Variants in SGCZ observed in about 807,000 individuals in gnomAD.
The protein encoded by SGCZ is sarcoglycan zeta.
In SGCZ, 40 loss-of-function variants were observed where a neutral mutation model predicts 41.3. That is an observed-to-expected ratio of 0.97 (90% CI 0.75 to 1.26). The LOEUF is 1.26. SGCZ is among the 50% of genes most tolerant of loss of function. The pLI, the probability that SGCZ is intolerant of heterozygous loss-of-function variation, is 0.00. For synonymous variants in SGCZ, 206 were observed against 137.5 expected (o/e 1.50, Z -3.49); for missense variants, 552 against 369.8 (o/e 1.49, Z -4.04).
chr8:14,700,967 A>G (rs767801043), intron 1 of SGCZ, among the ~76,000 whole-genome samples: 54 of 152,012 alleles, frequency 3.6e-4, no homozygotes, highest in Non-Finnish European at 6.0e-4. Context: ...AGAGGCTCAC[A>G]TAATTATGAA....
intron 1 of SGCZ, among the ~76,000 whole-genome samples, chr8:15,098,257 C>G (rs1318228590): frequency 6.6e-6 from 1 of 152,058 alleles, no homozygotes; most frequent in Non-Finnish European, 1.5e-5. Flanking sequence ...AAAAGGAAAA[C>G]TGAAACAAGT....
In SGCZ at chr8:14,123,901, C is replaced by A. The variant is rs59905285; in HGVS notation, c.548-15666G>T. Among the ~76,000 whole-genome samples the A allele has an allele frequency of 1.1e-3, 164 of 152,046 alleles. 1 individual carries two copies. The highest frequency in any genetic ancestry group is 3.9e-3 in the African/African-American group (160 of 41,468). ...TATCTAGGAGGAGCCAAAATAATCACCAGGACTATTAAAAATGGAAGAGAG... is the reference window on the plus strand; with the variant it reads ...TATCTAGGAGGAGCCAAAATAATCAACAGGACTATTAAAAATGGAAGAGAG... On this transcript the variant is annotated intron_variant, in intron 5 of 7. Coordinates refer to ENST00000382080, the MANE Select transcript of SGCZ (RefSeq NM_139167.4).
intron 2 of SGCZ, among the ~76,000 whole-genome samples, chr8:14,405,049 C>T (rs1301580119): frequency 6.6e-6 from 1 of 152,180 alleles, no homozygotes; most frequent in Non-Finnish European, 1.5e-5. Context: ...TCGTCTTCCT[C>T]CATGTGGCCC....
At chr8:14,979,024 C>T (rs533656866) in intron 1 of SGCZ, among the ~76,000 whole-genome samples, 83 of 152,276 alleles carry the variant, frequency 5.5e-4, no homozygotes, top group Middle Eastern at 3.4e-3. Context: ...TTCTCAAACT[C>T]CTGAGCTCAA....
At chr8:14,833,324 G>GA (rs1187955798) in intron 1 of SGCZ, among the ~76,000 whole-genome samples, 4 of 151,738 alleles carry the variant, frequency 2.6e-5, no homozygotes, top group Admixed American at 6.6e-5. Context: ...CAACTGGAAA[G>GA]AAAAAAAACC....
At chr8:14,120,546 C>T (rs1802666616) in intron 5 of SGCZ, among the ~76,000 whole-genome samples, 1 of 151,952 alleles carries the variant, frequency 6.6e-6, no homozygotes, top group South Asian at 2.1e-4. Flanking sequence ...ATATATAGTT[C>T]TTGTCTTACT....
intron 6 of SGCZ, among the ~76,000 whole-genome samples, chr8:14,106,269 A>G (rs1362727369): frequency 1.3e-5 from 2 of 152,228 alleles, no homozygotes; most frequent in African/African-American, 4.8e-5. Flanking sequence ...AGAAAGATAC[A>G]ATAAATATTT....
intron 1 of SGCZ, among the ~76,000 whole-genome samples, chr8:14,590,251 A>C (rs1053212915): frequency 2.0e-5 from 3 of 152,126 alleles, no homozygotes; most frequent in African/African-American, 4.8e-5. Context: ...AAGCAAAAAT[A>C]ATATGGTGTG....
intron 1 of SGCZ, among the ~76,000 whole-genome samples, chr8:14,559,669 G>A (rs1251160892): frequency 6.6e-6 from 1 of 151,882 alleles, no homozygotes; most frequent in African/African-American, 2.4e-5. Context: ...TTAATGTCCT[G>A]TTAAATCTTA....
At chr8:14,826,813 C>G (rs1403469569) in intron 1 of SGCZ, among the ~76,000 whole-genome samples, 1 of 152,154 alleles carries the variant, frequency 6.6e-6, no homozygotes. Context: ...TGTTTGAGTT[C>G]ATTGTAGATT....
At chr8:15,114,060 A>C (rs1015944090) in intron 1 of SGCZ, among the ~76,000 whole-genome samples, 5 of 152,244 alleles carry the variant, frequency 3.3e-5, no homozygotes, top group Non-Finnish European at 7.3e-5. Context: ...TTAGAGAAAC[A>C]GATCTCATGT....
intron 2 of SGCZ, among the ~76,000 whole-genome samples, chr8:14,407,190 T>C (rs1168235614): frequency 6.7e-6 from 1 of 149,526 alleles, no homozygotes; most frequent in African/African-American, 2.5e-5. Flanking sequence ...TGCCTCAGCC[T>C]CCTGAGTAGC....
At chr8:14,834,541 G>C (rs1330700315) in intron 1 of SGCZ, among the ~76,000 whole-genome samples, 1 of 152,110 alleles carries the variant, frequency 6.6e-6, no homozygotes, top group Non-Finnish European at 1.5e-5. Context: ...TAGCAGCAAG[G>C]AGAGGAGACA....
At chr8:14,777,609 T>C (rs182963328) in intron 1 of SGCZ, among the ~76,000 whole-genome samples, 1 of 152,168 alleles carries the variant, frequency 6.6e-6, no homozygotes, top group Non-Finnish European at 1.5e-5. Flanking sequence ...AATTACAATG[T>C]GATGCATAAG....
intron 1 of SGCZ, among the ~76,000 whole-genome samples, chr8:14,574,278 C>A (rs1456694166): frequency 6.6e-6 from 1 of 152,190 alleles, no homozygotes; most frequent in African/African-American, 2.4e-5. Flanking sequence ...CTTTGTCCTA[C>A]CCTCAATCTG....
intron 1 of SGCZ, among the ~76,000 whole-genome samples, chr8:15,031,864 C>G (rs772392106): frequency 1.7e-4 from 26 of 151,006 alleles, no homozygotes; most frequent in Non-Finnish European, 3.7e-4. Flanking sequence ...TTCAATAACT[C>G]TAACTCTATA....
At chr8:15,094,220 T>C (rs1315816225) in intron 1 of SGCZ, among the ~76,000 whole-genome samples, 1 of 152,006 alleles carries the variant, frequency 6.6e-6, no homozygotes, top group Non-Finnish European at 1.5e-5. Context: ...CTGCTAACTC[T>C]ACCTCCCAGG....
At position 14,087,714 on chromosome 8, in the gene SGCZ, T is replaced by TAA. The variant is rs200896009; in HGVS notation, c.*2727_*2728dup. Among the ~76,000 whole-genome samples the TAA allele has an allele frequency of 1.6e-3, 232 of 147,492 alleles. 1 individual carries two copies. The highest frequency in any genetic ancestry group is 4.2e-3 in the African/African-American group (171 of 40,574). On this transcript the variant is annotated 3_prime_UTR_variant, in exon 8 of 8. Transcript: ENST00000382080. ...TGCAATTAAGGGACCACTATATTTT[T>TAA]AAAAAAAAAAAAATGCTTTTTTGTG... is the stretch of plus-strand genomic sequence containing the variant.
At chr8:14,177,381 T>G (rs188109107) in intron 4 of SGCZ, among the ~76,000 whole-genome samples, 1 of 152,330 alleles carries the variant, frequency 6.6e-6, no homozygotes, top group African/African-American at 2.4e-5. Flanking sequence ...ATTACGGCCC[T>G]TTCTTGTGAA....
Sources: allele counts gnomAD v4.1 joint callset (sites outside exome capture counted in the v4.1 genomes callset), GRCh38; gene constraint gnomAD v4.1.1; transcripts MANE v1.5; gene names NCBI Gene and HGNC (gene_info 2026-07-23, HGNC 2026-07-21).